Variants in SAMD12 observed in about 807,000 individuals in gnomAD.
SAMD12 encodes the protein sterile alpha motif domain-containing protein 12.
SAMD12 carries 9 observed loss-of-function variants against 15.0 expected under a neutral mutation model. That is an observed-to-expected ratio of 0.60 (90% confidence interval 0.36 to 1.05). The LOEUF is 1.05. Among genes scored for constraint, SAMD12 ranks in the 50% least tolerant of loss-of-function variants. The probability of loss-of-function intolerance (pLI) is 0.01; values close to 1 mark genes in which losing one functional copy is unlikely to be tolerated. For missense variants in SAMD12, 230 were observed against 234.2 expected, an observed-to-expected ratio of 0.98 and a Z score of 0.12; for synonymous variants, 86 against 90.1, an observed-to-expected ratio of 0.96 and a Z score of 0.25.
intron 4 of SAMD12, among the ~76,000 whole-genome samples, chr8:118,324,263 G>T (rs1030810351): frequency 3.9e-5 from 6 of 152,112 alleles, no homozygotes; most frequent in Non-Finnish European, 5.9e-5. Flanking sequence ...TTGCCAAGGG[G>T]TTCCATTCTT....
intron 4 of SAMD12, among the ~76,000 whole-genome samples, chr8:118,246,368 G>T (rs895580507): frequency 1.3e-5 from 2 of 152,202 alleles, no homozygotes; most frequent in East Asian, 3.9e-4. Context: ...GCTTGTAAAA[G>T]AAAGAGACAT....
At chr8:118,356,733 C>A (rs1434196896) in intron 4 of SAMD12, among the ~76,000 whole-genome samples, 1 of 152,084 alleles carries the variant, frequency 6.6e-6, no homozygotes, top group African/African-American at 2.4e-5. Flanking sequence ...TTCAAAGGGA[C>A]CTCAAACCTC....
At chr8:118,606,125 G>A (rs1827980824) in intron 1 of SAMD12, among the ~76,000 whole-genome samples, 3 of 152,078 alleles carry the variant, frequency 2.0e-5, no homozygotes, top group Admixed American at 2.0e-4. Context: ...CTCATTACTT[G>A]AGTCACGCAT....
intron 3 of SAMD12, among the ~76,000 whole-genome samples, chr8:118,419,572 A>G (rs947936228): frequency 3.9e-5 from 6 of 152,206 alleles, no homozygotes; most frequent in Non-Finnish European, 8.8e-5. Context: ...AGCCCCAGCC[A>G]TCACTTCATC....
intron 3 of SAMD12, among the ~76,000 whole-genome samples, chr8:118,423,936 T>C (rs1475773642): frequency 1.3e-5 from 2 of 152,218 alleles, no homozygotes; most frequent in African/African-American, 4.8e-5. Flanking sequence ...AACATGATGA[T>C]AATTTAAGGA....
chr8:118,316,695 CTAAAGCTGA>C (rs1815924769), intron 4 of SAMD12, among the ~76,000 whole-genome samples: 1 of 152,002 alleles, frequency 6.6e-6, no homozygotes, highest in East Asian at 1.9e-4. Context: ...GGAGACTCTA[CTAAAGCTGA>C]ACATATGTGT....
chr8:118,386,036 C>A (rs530442388), intron 3 of SAMD12, among the ~76,000 whole-genome samples: 1 of 152,268 alleles, frequency 6.6e-6, no homozygotes, highest in East Asian at 1.9e-4. Context: ...AGACTAGAAA[C>A]CTTGCTGAGC....
intron 3 of SAMD12, among the ~76,000 whole-genome samples, chr8:118,398,420 AAAAT>A (rs1018326039): frequency 3.3e-5 from 5 of 152,156 alleles, no homozygotes; most frequent in African/African-American, 7.2e-5. Flanking sequence ...AAAAAAATAA[AAAAT>A]AAATAAATAA....
intron 2 of SAMD12, among the ~76,000 whole-genome samples, chr8:118,465,378 A>C (rs1823565049): frequency 6.6e-6 from 1 of 152,102 alleles, no homozygotes. Flanking sequence ...CTAGGTTGAC[A>C]TTTTTTATAG....
chr8:118,441,486 AT>A (rs1469241635), intron 2 of SAMD12, among the ~76,000 whole-genome samples: 1 of 151,922 alleles, frequency 6.6e-6, no homozygotes, highest in Non-Finnish European at 1.5e-5. Flanking sequence ...TTCCAGTCAT[AT>A]GAGTCCTTGG....
chr8:118,223,859 T>C (rs529491161), intron 4 of SAMD12, among the ~76,000 whole-genome samples: 4 of 152,302 alleles, frequency 2.6e-5, no homozygotes, highest in African/African-American at 9.6e-5. Flanking sequence ...AGGTTGCTCA[T>C]GGTGTCATCT....
intron 2 of SAMD12, among the ~76,000 whole-genome samples, chr8:118,513,918 C>A (rs1004555720): frequency 1.3e-5 from 2 of 152,204 alleles, no homozygotes; most frequent in East Asian, 1.9e-4. Flanking sequence ...ACTATTCCAT[C>A]CCAGCCTATT....
intron 4 of SAMD12, among the ~76,000 whole-genome samples, chr8:118,249,972 A>G (rs929753030): frequency 6.6e-6 from 1 of 152,062 alleles, no homozygotes; most frequent in African/African-American, 2.4e-5. Context: ...AGGTGAATCC[A>G]CACCCCCGAT....
chr8:118,428,232 T>C (rs2514982), intron 3 of SAMD12, among the ~76,000 whole-genome samples: 151,865 of 152,210 alleles, frequency 1, 75,769 homozygotes, highest in Middle Eastern at 1. Context: ...ATTTCCTTGA[T>C]GGATTCTTAG....
rs541888966 is a variant in SAMD12 at position 118,398,881 on chromosome 8, G to T, written c.323-19181C>A. ...ATACTTCCATAAAGCTGTTTTTTTT[G>T]TGTGTGTTTGTTTTTGTTTTGAGAC... On this transcript the variant is annotated intron_variant, in intron 3 of 3. Transcript: ENST00000314727. Among the ~76,000 whole-genome samples the T allele has an allele frequency of 5.4e-3, 801 of 147,482 alleles. 4 individuals carry two copies. Among genetic ancestry groups the T allele is most frequent in the African/African-American group, 0.019 (700 of 37,424 alleles).
chr8:118,415,448 GGTGTGTGTGTGTGTGTGT>G (rs58176749), intron 3 of SAMD12, among the ~76,000 whole-genome samples: 2 of 142,952 alleles, frequency 1.4e-5, no homozygotes, highest in East Asian at 2.1e-4. Context: ...CTTGTCCTAA[GGTGTGTGTGTGTGTGTGT>G]GTGTGTGTGT....
chr8:118,493,373 C>T (rs1824503197), intron 2 of SAMD12, among the ~76,000 whole-genome samples: 1 of 152,158 alleles, frequency 6.6e-6, no homozygotes. Context: ...TTTCCTTTCA[C>T]TGGCCTACTT....
chr8:118,141,883 C>T, the SAMD12 span, among the ~76,000 whole-genome samples: 3 of 152,208 alleles, frequency 2.0e-5, no homozygotes, highest in Non-Finnish European at 4.4e-5. Flanking sequence ...TAGGGTCCCA[C>T]CTTAGTCCTG....
the SAMD12 span, among the ~76,000 whole-genome samples, chr8:118,168,394 C>T: frequency 0.035 from 5,306 of 152,254 alleles, 295 homozygotes; most frequent in African/African-American, 0.12. Flanking sequence ...GTCATTAGCC[C>T]TGAGACACTT....
Sources: allele counts gnomAD v4.1 joint callset (sites outside exome capture counted in the v4.1 genomes callset), GRCh38; gene constraint gnomAD v4.1.1; transcripts MANE v1.5; gene names NCBI Gene and HGNC (gene_info 2026-07-23, HGNC 2026-07-21).